Variants in CAPZA1 observed in about 807,000 individuals in gnomAD.
The protein encoded by CAPZA1 is capping actin protein of muscle Z-line subunit alpha 1.
A neutral mutation model predicts 40.8 loss-of-function variants in CAPZA1; 10 were observed. That is an observed-to-expected ratio of 0.25 (90% CI 0.15 to 0.42). The LOEUF (loss-of-function observed/expected upper bound fraction) is 0.42, where lower values mean the gene tolerates loss of function less well. Among genes scored for constraint, CAPZA1 ranks in the 10% least tolerant of loss-of-function variants. CAPZA1 has a pLI of 1.00. For synonymous variants in CAPZA1, 98 were observed against 115.0 expected (o/e 0.85, Z 0.95); for missense variants, 277 against 353.8 (o/e 0.78, Z 1.74).
chr1:112,622,614 C>A (rs1449581495), intron 1 of CAPZA1, among the ~76,000 whole-genome samples: 4 of 152,070 alleles, frequency 2.6e-5, no homozygotes, highest in Non-Finnish European at 5.9e-5. Context: ...CATATTTTTT[C>A]CCTTCAGCCT....
intron 4 of CAPZA1, 21 bp from the exon 5 acceptor site, chr1:112,654,444 T>G (rs767229843): frequency 2.5e-5 from 38 of 1,533,152 alleles, no homozygotes; most frequent in Non-Finnish European, 3.3e-5. Flanking sequence ...GTTACTCATA[T>G]GTTTAATGAT....
chr1:112,638,242 G>A (rs139655601), intron 1 of CAPZA1, among the ~76,000 whole-genome samples: 190 of 152,272 alleles, frequency 1.2e-3, no homozygotes, highest in African/African-American at 4.1e-3. Context: ...TGAGGCATGA[G>A]TGTAGCTGTA....
intron 1 of CAPZA1, among the ~76,000 whole-genome samples, chr1:112,643,963 G>C (rs1182476861): frequency 6.6e-6 from 1 of 151,916 alleles, no homozygotes; most frequent in Non-Finnish European, 1.5e-5. Flanking sequence ...TCCTGCCTCA[G>C]CCTCTCAAGT....
intron 1 of CAPZA1, among the ~76,000 whole-genome samples, chr1:112,636,014 G>A (rs1671009422): frequency 6.6e-6 from 1 of 152,162 alleles, no homozygotes; most frequent in Non-Finnish European, 1.5e-5. Context: ...CGGTGACAGA[G>A]CGAGACTCTT....
At chr1:112,620,040 G>A (rs1354548554) in intron 1 of CAPZA1, 157 bp downstream of exon 1, 1 of 601,892 alleles carries the variant, frequency 1.7e-6, no homozygotes, top group Non-Finnish European at 2.9e-6. Context: ...CCTCTTAGGG[G>A]GCTTTCCTCT....
At chr1:112,667,575 G>A (rs897277449) in intron 8 of CAPZA1, among the ~76,000 whole-genome samples, 1 of 152,272 alleles carries the variant, frequency 6.6e-6, no homozygotes, top group South Asian at 2.1e-4. Context: ...TGTTGCCTAG[G>A]CTGGAGTGCA....
Position 112,653,573 on chromosome 1 carries a change from T to A in CAPZA1, c.156-25T>A, listed in dbSNP as rs1168224916. On this transcript the variant is annotated intron_variant, in intron 3 of 9. Transcript: ENST00000263168. ...TCTCTCCCTCTTTTTTTTTTTTTTT[T>A]TAAAAAACTTTTAAAAAAAAACAGT... is the stretch of plus-strand genomic sequence containing the variant. 4.6e-6 allele frequency: 6 copies of A among 1,294,196 alleles called. No individual in the cohort carries two copies. The African/African-American group carries it at 9.8e-5, about 21-fold the overall frequency. 80.2% of individuals were successfully genotyped at this position (1,294,196 alleles called of 1,614,324 possible).
intron 1 of CAPZA1, among the ~76,000 whole-genome samples, chr1:112,630,815 G>C (rs1431523399): frequency 6.6e-6 from 1 of 152,132 alleles, no homozygotes; most frequent in Non-Finnish European, 1.5e-5. Flanking sequence ...TCTTTACTGA[G>C]GGCTATTATT....
At chr1:112,663,391 C>G (rs1384980972) in intron 7 of CAPZA1, among the ~76,000 whole-genome samples, 1 of 152,138 alleles carries the variant, frequency 6.6e-6, no homozygotes, top group East Asian at 1.9e-4. Context: ...GGATTTTAAC[C>G]TTTATATGTC....
intron 7 of CAPZA1, among the ~76,000 whole-genome samples, chr1:112,665,104 C>A (rs1671697679): frequency 6.6e-6 from 1 of 151,894 alleles, no homozygotes; most frequent in Non-Finnish European, 1.5e-5. Context: ...CTGCTTTATC[C>A]CTCAAAACAT....
At chr1:112,648,688 C>T (rs913549560) in intron 2 of CAPZA1, among the ~76,000 whole-genome samples, 63 of 149,818 alleles carry the variant, frequency 4.2e-4, no homozygotes, top group African/African-American at 1.4e-3. Flanking sequence ...ACAGGCCAGG[C>T]GTGGTGGCTC....
intron 1 of CAPZA1, among the ~76,000 whole-genome samples, chr1:112,637,273 A>C (rs182516131): frequency 1.0e-3 from 155 of 152,376 alleles, no homozygotes; most frequent in African/African-American, 3.5e-3. Context: ...AGCTTACATA[A>C]GAGTTTTATA....
chr1:112,622,055 C>G (rs1287904240), intron 1 of CAPZA1, among the ~76,000 whole-genome samples: 1 of 152,050 alleles, frequency 6.6e-6, no homozygotes, highest in Non-Finnish European at 1.5e-5. Flanking sequence ...GCCACCGAGC[C>G]CAGCCAGTAT....
chr1:112,627,248 T>C (rs1366559531), intron 1 of CAPZA1, among the ~76,000 whole-genome samples: 1 of 152,190 alleles, frequency 6.6e-6, no homozygotes, highest in Non-Finnish European at 1.5e-5. Context: ...TTTGATGAAA[T>C]AATGACATAG....
chr1:112,635,569 T>TG (rs1670997611), intron 1 of CAPZA1, among the ~76,000 whole-genome samples: 1 of 151,380 alleles, frequency 6.6e-6, no homozygotes, highest in Non-Finnish European at 1.5e-5. Context: ...TTTTTTTTTT[T>TG]GAGACGAGTA....
In CAPZA1 at chr1:112,666,977, A is replaced by G. The variant is rs1016974452; in HGVS notation, c.586-97A>G. 3.9e-6 allele frequency: 3 copies of G among 769,202 alleles called. No homozygotes were observed. In the African/African-American group the frequency reaches 5.3e-5, roughly 13 times the overall value. 47.6% of individuals were successfully genotyped at this position (769,202 alleles called of 1,614,324 possible). ...TTGTTCAGAGTTGGTAAAATGGCTC[A>G]TCAACTTAAAGATAGCTTAAAGCAT... is the stretch of plus-strand genomic sequence containing the variant. On this transcript the variant is annotated intron_variant, in intron 7 of 9. Transcript: ENST00000263168.
At chr1:112,642,522 C>T (rs951612245) in intron 1 of CAPZA1, among the ~76,000 whole-genome samples, 2 of 152,032 alleles carry the variant, frequency 1.3e-5, no homozygotes, top group Non-Finnish European at 2.9e-5. Flanking sequence ...GCCGACCACC[C>T]TCTTTTTAAT....
intron 9 of CAPZA1, 87 bp from the exon 10 acceptor site, chr1:112,669,905 G>T: frequency 7.0e-7 from 1 of 1,429,818 alleles, no homozygotes; most frequent in South Asian, 1.2e-5. Context: ...GGGGACTCAA[G>T]CATATCCATT....
At chr1:112,632,067 A>G (rs1036170356) in intron 1 of CAPZA1, among the ~76,000 whole-genome samples, 3 of 152,186 alleles carry the variant, frequency 2.0e-5, no homozygotes, top group Non-Finnish European at 2.9e-5. Flanking sequence ...CACTTTGGGA[A>G]GTCAAGGCGG....
Sources: allele counts gnomAD v4.1 joint callset (sites outside exome capture counted in the v4.1 genomes callset), GRCh38; gene constraint gnomAD v4.1.1; transcripts MANE v1.5; gene names NCBI Gene and HGNC (gene_info 2026-07-23, HGNC 2026-07-21).